ZNF841: variants seen among roughly 807,000 people sequenced by gnomAD.
ZNF841 encodes the protein zinc finger protein 841.
Under a neutral mutation model 13.0 loss-of-function variants are expected in ZNF841, and 11 were observed. That is an observed-to-expected ratio of 0.85 (90% confidence interval 0.53 to 1.40). The LOEUF (loss-of-function observed/expected upper bound fraction) is 1.40, where lower values mean the gene tolerates loss of function less well. ZNF841 is among the 40% of genes most tolerant of loss of function. ZNF841 has a pLI of 0.00. For synonymous variants in ZNF841, 369 were observed against 381.6 expected (o/e 0.97, Z 0.38); for missense variants, 1,068 against 1,139.5 (o/e 0.94, Z 0.90).
At chr19:52,094,026 A>G (rs2088591825) in intron 1 of ZNF841, 55 bp from the exon 2 acceptor site, 1 of 152,072 alleles carries the variant, frequency 6.6e-6, no homozygotes, top group Non-Finnish European at 1.5e-5. Context: ...AACAAAGCCA[A>G]AAAAAACACC....
intron 6 of ZNF841, among the ~76,000 whole-genome samples, chr19:52,073,348 A>G (rs976119319): frequency 7.9e-5 from 12 of 151,590 alleles, no homozygotes; most frequent in African/African-American, 2.7e-4. Context: ...GCCCAGGCTG[A>G]AGTACAGCAG....
chr19:52,094,207 T>C (rs1481767258), intron 1 of ZNF841: 1 of 152,138 alleles, frequency 6.6e-6, no homozygotes, highest in Non-Finnish European at 1.5e-5. Context: ...ACATACAAAA[T>C]GCACAAGGCT....
intron 3 of ZNF841, 68 bp downstream of exon 3, chr19:52,088,869 G>A (rs1013140487): frequency 6.6e-6 from 1 of 152,286 alleles, no homozygotes; most frequent in Admixed American, 6.5e-5. Context: ...AGTGATGCTG[G>A]AAGTGCTCCC....
chr19:52,059,370 A>AAAAAAAAATATAT, the ZNF841 span, among the ~76,000 whole-genome samples: 37 of 69,620 alleles, frequency 5.3e-4, 1 homozygote, highest in African/African-American at 2.2e-3. Flanking sequence ...AAAAAAAAAA[A>AAAAAAAAATATAT]ATATATATAT....
At chr19:52,072,310 A>G (rs551438218) in intron 6 of ZNF841, among the ~76,000 whole-genome samples, 1 of 152,232 alleles carries the variant, frequency 6.6e-6, no homozygotes, top group East Asian at 1.9e-4. Context: ...TAGAGAACCT[A>G]AACTATATAT....
intron 1 of ZNF841, among the ~76,000 whole-genome samples, chr19:52,094,538 A>G (rs1287208322): frequency 6.6e-6 from 1 of 151,464 alleles, no homozygotes; most frequent in African/African-American, 2.4e-5. Context: ...CCCAATCTCC[A>G]CGTATTTCTG....
chr19:52,071,827 A>G (rs1190083724), intron 6 of ZNF841, among the ~76,000 whole-genome samples: 2 of 152,236 alleles, frequency 1.3e-5, no homozygotes, highest in Non-Finnish European at 2.9e-5. Flanking sequence ...CACTTAACAC[A>G]ATGGCAATAT....
intron 4 of ZNF841, among the ~76,000 whole-genome samples, chr19:52,082,236 A>C (rs2088124557): frequency 6.6e-6 from 1 of 152,236 alleles, no homozygotes; most frequent in African/African-American, 2.4e-5. Context: ...GACTGTAAAA[A>C]TTCATGGCCA....
Position 52,066,753 on chromosome 19 carries a change from G to A in ZNF841, c.1129C>T (p.Arg377Ter), listed in dbSNP as rs1287100005. Residue 377 changes from arginine (R) to a stop codon, truncating the protein, a stop_gained, in exon 7 of 7, where the codon CGA becomes TGA. Coordinates refer to ENST00000594440, the MANE Select transcript of ZNF841 (RefSeq NM_001136499.2). LOFTEE classifies it low-confidence loss of function (END_TRUNC). ...HTGEKPYKCN[R>*]CGKCFSQSSS... ...CTTTGACTAAAGCACTTCCCACATC[G>A]ATTACATTTGTAAGGTTTCTCTCCA... The A allele has an allele frequency of 5.6e-6, 9 of 1,609,220 alleles. No homozygotes were observed. The East Asian group carries it at 6.7e-5, about 12-fold the overall frequency.
chr19:52,071,008 C>T (rs2087723200), intron 6 of ZNF841, among the ~76,000 whole-genome samples: 1 of 152,122 alleles, frequency 6.6e-6, no homozygotes, highest in Admixed American at 6.5e-5. Context: ...AGGGTTTGTG[C>T]TTGAAGAGCT....
At chr19:52,058,820 A>G in the ZNF841 span, 1 of 153,142 alleles carries the variant, frequency 6.5e-6, no homozygotes, top group Non-Finnish European at 1.5e-5. Context: ...CAACTATAGC[A>G]AAACTTCATT....
chr19:52,078,500 C>T (rs926261175), intron 4 of ZNF841, among the ~76,000 whole-genome samples: 1 of 151,854 alleles, frequency 6.6e-6, no homozygotes, highest in Non-Finnish European at 1.5e-5. Flanking sequence ...GAGATCGAGA[C>T]CATCCTGGCT....
chr19:52,077,209 A>C (rs1343031951), intron 4 of ZNF841, 125 bp from the exon 5 acceptor site: 1 of 1,090,128 alleles, frequency 9.2e-7, no homozygotes, highest in Non-Finnish European at 1.3e-6. Flanking sequence ...CATTAAAAGT[A>C]TCTGTGAGAT....
intron 6 of ZNF841, among the ~76,000 whole-genome samples, chr19:52,068,405 G>A (rs1284987097): frequency 6.6e-6 from 1 of 152,080 alleles, no homozygotes; most frequent in Non-Finnish European, 1.5e-5. Context: ...AGCCGGGCAC[G>A]GTGGCTCAAG....
chr19:52,063,937 T>G (rs192517938), downstream of ZNF841, among the ~76,000 whole-genome samples: 7 of 152,292 alleles, frequency 4.6e-5, no homozygotes, highest in African/African-American at 1.7e-4. Flanking sequence ...GCACTTTGAG[T>G]TATAGATCCA....
rs189307850 is a variant in ZNF841 at position 52,069,171 on chromosome 19, T to C, written c.272-1561A>G. Among the ~76,000 whole-genome samples, 46 of 152,214 alleles carry C rather than the reference T, an allele frequency of 3.0e-4. 1 individual carries two copies. The East Asian group carries it at 8.3e-3, about 28-fold the overall frequency. ...TCACTGCAACCTCCAACTCACAGGC[T>C]CAAGCGATCCTCCCACCTCAGCCTC... On this transcript the variant is annotated intron_variant, in intron 6 of 6. Transcript: ENST00000594440.
chr19:52,085,488 G>A (rs1296343025), intron 3 of ZNF841, among the ~76,000 whole-genome samples: 2 of 152,210 alleles, frequency 1.3e-5, no homozygotes, highest in Non-Finnish European at 2.9e-5. Flanking sequence ...GTAGACAGTA[G>A]AACACAATGG....
chr19:52,089,394 G>C (rs998725338), intron 2 of ZNF841, among the ~76,000 whole-genome samples: 1 of 152,104 alleles, frequency 6.6e-6, no homozygotes, highest in Non-Finnish European at 1.5e-5. Flanking sequence ...TGTAATCCCA[G>C]CACTGTGGAA....
intron 3 of ZNF841, among the ~76,000 whole-genome samples, chr19:52,086,272 A>G (rs1036221803): frequency 6.6e-6 from 1 of 152,158 alleles, no homozygotes; most frequent in South Asian, 2.1e-4. Flanking sequence ...TGGATGGATC[A>G]TGGGGGTGGA....
Sources: gnomAD v4.1 joint callset for allele counts (sites outside exome capture counted in the v4.1 genomes callset) on GRCh38, gnomAD v4.1.1 for gene constraint, MANE v1.5 for transcripts, NCBI Gene and HGNC (gene_info 2026-07-23, HGNC 2026-07-21) for gene names.